MGAM2: variants seen among roughly 807,000 people sequenced by gnomAD.
MGAM2 encodes maltase-glucoamylase 2 (putative).
MGAM2 carries 98 observed loss-of-function variants against 96.1 expected under a neutral mutation model. The ratio of observed to expected loss-of-function variants is 1.02; its 90% CI spans 0.87 to 1.21. The LOEUF is 1.21. MGAM2 is among the 50% of genes most tolerant of loss of function. MGAM2 has a pLI of 0.00. For missense variants in MGAM2, 2,055 were observed against 1,182.4 expected, an observed-to-expected ratio of 1.74 and a Z score of -10.82; for synonymous variants, 749 against 414.8, an observed-to-expected ratio of 1.81 and a Z score of -9.79.
chr7:142,186,061 G>A lies in MGAM2; in HGVS notation c.4060G>A (p.Glu1354Lys), dbSNP rs1378435889. ...AGCTGCGTGGTGGAAGAAAGAGATA[G>A]AAGAGCTCTATGCAAACCCTCGAGA... ...STAAWWKKEIEELYANPREPE... is the reference protein window; with the variant it reads ...STAAWWKKEIKELYANPREPE... The change falls in exon 35 of 48, where the codon GAA (glutamate) becomes AAA (lysine). Residue 1354 changes from glutamate (E) to lysine (K), a missense_variant. Physicochemically the swap from Glu to Lys is moderately conservative, Grantham distance 56 (BLOSUM62 1). Transcript: ENST00000477922. 2.8e-6 allele frequency: 2 copies of A among 705,870 alleles called. No individual in the cohort carries two copies. The allele number at this position is 705,870 out of a possible 1,614,324, so 43.7% of individuals were successfully genotyped here.
chr7:142,173,400 T>C, intron 31 of MGAM2, 46 bp downstream of exon 31: 1 of 693,810 alleles, frequency 1.4e-6, no homozygotes, highest in Non-Finnish European at 2.6e-6. Context: ...TTACAGGAAT[T>C]TGTGGCTAAT....
intron 31 of MGAM2, 115 bp downstream of exon 31, chr7:142,173,469 AT>A (rs904328478): frequency 2.2e-5 from 13 of 596,560 alleles, no homozygotes; most frequent in African/African-American, 7.4e-5. Flanking sequence ...TTCAGGCTGA[AT>A]TTTTTTTCTT....
chr7:142,129,480 C>A (rs554474049), intron 3 of MGAM2, among the ~76,000 whole-genome samples: 2 of 152,206 alleles, frequency 1.3e-5, no homozygotes, highest in South Asian at 2.1e-4. Context: ...CCACCTAAAT[C>A]GCACCTTGAA....
chr7:142,166,029 C>G (rs1796017357), intron 24 of MGAM2, 69 bp from the exon 25 acceptor site: 1 of 595,408 alleles, frequency 1.7e-6, no homozygotes, highest in Non-Finnish European at 3.0e-6. Flanking sequence ...TTCCAGACTT[C>G]CAGCCAAGAA....
chr7:142,164,621 A>C (rs1217463765), intron 23 of MGAM2, among the ~76,000 whole-genome samples: 1 of 152,176 alleles, frequency 6.6e-6, no homozygotes, highest in Non-Finnish European at 1.5e-5. Context: ...TTTCCGATTA[A>C]TAGAATCAGT....
chr7:142,215,758 C>T (rs1344358450), intron 46 of MGAM2, among the ~76,000 whole-genome samples: 1 of 104,082 alleles, frequency 9.6e-6, no homozygotes, highest in African/African-American at 3.6e-5. Flanking sequence ...AACTCTGTCT[C>T]AAAAAAAAAA....
chr7:142,134,153 G>T lies in MGAM2; in HGVS notation c.747+1G>T. The T allele has an allele frequency of 1.4e-6, 1 of 738,264 alleles. No individual in the cohort carries two copies. The highest frequency in any genetic ancestry group is 2.5e-6 in the Non-Finnish European group (1 of 403,734). 45.7% of individuals were successfully genotyped at this position (738,264 alleles called of 1,614,324 possible). On this transcript the variant is annotated splice_donor_variant, in intron 7 of 47. Transcript: ENST00000477922. LOFTEE classifies it high-confidence loss of function. The stretch of plus-strand genomic sequence containing the variant: ...CACCCGGGACGCTACCCCCACCGAG[G>T]TGAGGTGGCTTTCCTCCTGAGTATC...
intron 2 of MGAM2, among the ~76,000 whole-genome samples, chr7:142,117,942 TTC>T (rs1817472095): frequency 1.3e-5 from 2 of 150,210 alleles, no homozygotes; most frequent in African/African-American, 5.0e-5. Context: ...TTTTTTTTTC[TTC>T]TGTTTTTTTT....
At position 142,220,754 on chromosome 7, in the gene MGAM2, C is replaced by T. The variant is rs1585233304; in HGVS notation, c.6243C>T (p.Thr2081=). ...ACACTAGTAATACTGTTCCTAATAC[C>T]ACTATGCCTTCTCCTACAAGTAGTA... The part of the protein sequence containing the change: ...DANTSNTVPN[T]TMPSPTSSTT... Residue 2081 remains threonine, a synonymous_variant, in exon 48 of 48, where the codon ACC becomes ACT. Transcript: ENST00000477922. 2 of 702,096 alleles carry T rather than the reference C, an allele frequency of 2.8e-6. No individual in the cohort carries two copies. Among genetic ancestry groups the T allele is most frequent in the East Asian group, 2.7e-5 (1 of 37,248 alleles). The allele number at this position is 702,096 out of a possible 1,614,324, so 43.5% of individuals were successfully genotyped here.
chr7:142,133,754 C>A (rs1794975507), intron 6 of MGAM2, among the ~76,000 whole-genome samples: 1 of 152,162 alleles, frequency 6.6e-6, no homozygotes, highest in Non-Finnish European at 1.5e-5. Context: ...ACTCTGCTCT[C>A]TTTCCCCAAT....
chr7:142,151,751 T>C (rs1160890872), intron 15 of MGAM2, among the ~76,000 whole-genome samples: 3 of 152,186 alleles, frequency 2.0e-5, no homozygotes, highest in African/African-American at 7.2e-5. Context: ...TTATGGTTAA[T>C]AGTTAAAAGG....
At chr7:142,153,194 G>A (rs1021842869) in intron 15 of MGAM2, among the ~76,000 whole-genome samples, 1 of 151,870 alleles carries the variant, frequency 6.6e-6, no homozygotes, top group African/African-American at 2.4e-5. Flanking sequence ...TAGAGATGGG[G>A]TTTCACCATG....
intron 46 of MGAM2, among the ~76,000 whole-genome samples, chr7:142,210,051 C>A (rs1424597976): frequency 6.6e-6 from 1 of 152,120 alleles, no homozygotes; most frequent in African/African-American, 2.4e-5. Context: ...GGGTGAAGTC[C>A]ACAGAGGGCG....
chr7:142,215,995 T>C (rs1257768394), intron 46 of MGAM2, among the ~76,000 whole-genome samples: 2 of 152,074 alleles, frequency 1.3e-5, no homozygotes, highest in Non-Finnish European at 1.5e-5. Context: ...TTAGCTAGAG[T>C]CTATATTTTT....
chr7:142,142,143 G>C (rs989550788), intron 12 of MGAM2, among the ~76,000 whole-genome samples: 1 of 120,274 alleles, frequency 8.3e-6, no homozygotes, highest in South Asian at 3.2e-4. Flanking sequence ...TGACTCTTTC[G>C]ATGCTTAATT....
chr7:142,220,758 A>G lies in MGAM2; in HGVS notation c.6247A>G (p.Met2083Val), dbSNP rs552621956. ...NTSNTVPNTT[M>V]PSPTSSTTVS... ...TAGTAATACTGTTCCTAATACCACT[A>G]TGCCTTCTCCTACAAGTAGTACTAC... Residue 2083 changes from methionine (M) to valine (V), a missense_variant, in exon 48 of 48, where the codon ATG becomes GTG. Physicochemically the swap from Met to Val is conservative, Grantham distance 21. Transcript: ENST00000477922. 8.5e-6 allele frequency: 6 copies of G among 702,184 alleles called. No homozygotes were observed. The highest frequency in any genetic ancestry group is 7.0e-5 in the African/African-American group (4 of 57,224). The allele number at this position is 702,184 out of a possible 1,614,324, so 43.5% of individuals were successfully genotyped here.
At chr7:142,149,151 C>T (rs781547379) in intron 15 of MGAM2, among the ~76,000 whole-genome samples, 5 of 151,898 alleles carry the variant, frequency 3.3e-5, no homozygotes, top group Non-Finnish European at 5.9e-5. Context: ...ATCGCTTGAA[C>T]CCGGGAGACG....
intron 22 of MGAM2, 68 bp from the exon 23 acceptor site, chr7:142,161,887 A>G (rs1360284464): frequency 1.7e-5 from 10 of 597,668 alleles, no homozygotes; most frequent in Non-Finnish European, 1.2e-5. Flanking sequence ...AGATGAAATG[A>G]AGAGAAGAGC....
intron 46 of MGAM2, among the ~76,000 whole-genome samples, chr7:142,210,321 G>A (rs116415420): frequency 0.011 from 1,633 of 151,234 alleles, 30 homozygotes; most frequent in African/African-American, 0.037. Flanking sequence ...TCATACCCTA[G>A]TGGTGCCTGG....
Sources: allele counts gnomAD v4.1 joint callset (sites outside exome capture counted in the v4.1 genomes callset), GRCh38; gene constraint gnomAD v4.1.1; transcripts MANE v1.5; gene names NCBI Gene and HGNC (gene_info 2026-07-23, HGNC 2026-07-21).